BBOF1: variants seen among roughly 807,000 people sequenced by gnomAD.
BBOF1 encodes the protein basal body orientation factor 1, also known as basal body-orientation factor 1.
BBOF1 carries 62 observed loss-of-function variants against 68.0 expected under a neutral mutation model. That is an observed-to-expected ratio of 0.91 (90% CI 0.74 to 1.13). The LOEUF (loss-of-function observed/expected upper bound fraction) is 1.13. BBOF1 is among the 50% of genes most tolerant of loss of function. The pLI, the probability that BBOF1 is intolerant of heterozygous loss-of-function variation, is 0.00. For synonymous variants in BBOF1, 208 were observed against 198.8 expected, an observed-to-expected ratio of 1.05 and a Z score of -0.39; for missense variants, 534 against 600.1, an observed-to-expected ratio of 0.89 and a Z score of 1.15.
At chr14:74,039,506 G>T (rs2059783295) in intron 4 of BBOF1, among the ~76,000 whole-genome samples, 1 of 152,008 alleles carries the variant, frequency 6.6e-6, no homozygotes, top group South Asian at 2.1e-4. Context: ...TCGGCTTACT[G>T]CAACTTCTGC....
chr14:74,073,238 G>C (rs2060574057), intron 9 of BBOF1, among the ~76,000 whole-genome samples: 1 of 151,992 alleles, frequency 6.6e-6, no homozygotes. Flanking sequence ...TGAGCAGCTG[G>C]GACTACAGGC....
intron 11 of BBOF1, among the ~76,000 whole-genome samples, chr14:74,062,592 T>G (rs761420357): frequency 7.2e-5 from 11 of 151,904 alleles, no homozygotes; most frequent in Admixed American, 5.3e-4. Context: ...CAGAGAAAGA[T>G]TCCATCAAAA....
chr14:74,068,052 C>T (rs1461595028), downstream of BBOF1, among the ~76,000 whole-genome samples: 4 of 149,944 alleles, frequency 2.7e-5, no homozygotes, highest in Middle Eastern at 3.5e-3. Flanking sequence ...CAGTAACCAG[C>T]TGAAAGGCAA....
At position 74,023,121 on chromosome 14, in the gene BBOF1, C is replaced by A; in HGVS notation, c.262C>A (p.Gln88Lys). Residue 88 changes from glutamine to lysine, a missense_variant, in exon 2 of 12, where the codon CAG (glutamine) becomes AAG (lysine). Coordinates refer to ENST00000394009, the MANE Select transcript of BBOF1 (RefSeq NM_025057.3). ...IMSVLSYLKK[Q>K]DQEKDNMIEK... ...GTCAGTATTAAGTTACCTGAAGAAG[C>A]AGGATCAGGAGAAAGATAATATGGT... 6.3e-7 allele frequency: 1 copy of A among 1,584,008 alleles called. No individual in the cohort carries two copies.
intron 9 of BBOF1, among the ~76,000 whole-genome samples, chr14:74,076,968 C>T (rs1169354977): frequency 6.6e-6 from 1 of 152,152 alleles, no homozygotes; most frequent in East Asian, 1.9e-4. Context: ...TTTATCTTGC[C>T]TGAAAAGGGA....
chr14:74,042,807 TTCTC>T (rs946857390), intron 5 of BBOF1, among the ~76,000 whole-genome samples: 3 of 150,142 alleles, frequency 2.0e-5, no homozygotes, highest in Admixed American at 1.3e-4. Context: ...GACCCTGTCC[TTCTC>T]TCTCTCTCTT....
At chr14:74,033,943 A>C (rs747552715) in intron 3 of BBOF1, 85 bp from the exon 4 acceptor site, 1 of 925,802 alleles carries the variant, frequency 1.1e-6, no homozygotes, top group Non-Finnish European at 1.5e-6. Flanking sequence ...GAAGATATGC[A>C]AATGGCGTAA....
chr14:74,071,792 G>T, intron 9 of BBOF1: 1 of 1,489,472 alleles, frequency 6.7e-7, no homozygotes, highest in South Asian at 1.1e-5. Context: ...ATCATGGGAT[G>T]GCAAAATCTA....
chr14:74,057,671 T>G (rs2060248493), intron 11 of BBOF1: 1 of 1,302,234 alleles, frequency 7.7e-7, no homozygotes, highest in African/African-American at 1.5e-5. Flanking sequence ...GTTTTTCTCT[T>G]TAAGAGTTTT....
At chr14:74,057,067 T>A in intron 10 of BBOF1, 77 bp from the exon 11 acceptor site, 3 of 1,594,036 alleles carry the variant, frequency 1.9e-6, no homozygotes, top group Non-Finnish European at 2.6e-6. Context: ...GAAAGTAATA[T>A]GACAAGTCTG....
downstream of BBOF1, chr14:74,070,958 C>A (rs1355669946): frequency 3.6e-6 from 2 of 550,296 alleles, no homozygotes; most frequent in South Asian, 2.0e-5. Context: ...CTGTGTCTAG[C>A]CCTAATCCAT....
At chr14:74,060,718 G>A (rs1462444890) in intron 11 of BBOF1, 1 of 1,613,408 alleles carries the variant, frequency 6.2e-7, no homozygotes, top group Admixed American at 1.7e-5. Flanking sequence ...AGAAGTAATG[G>A]TCTTTAACTG....
At chr14:74,040,785 A>T in intron 5 of BBOF1, 140 bp downstream of exon 5, 2 of 562,894 alleles carry the variant, frequency 3.6e-6, no homozygotes, top group South Asian at 5.4e-5. Context: ...GCACAATACA[A>T]TGAGGGAAAA....
chr14:74,057,804 G>GAAAAAATAT, intron 11 of BBOF1: 1 of 1,037,834 alleles, frequency 9.6e-7, no homozygotes, highest in Admixed American at 5.3e-5. Context: ...TATAACTGAT[G>GAAAAAATAT]AGTTTTTTTC....
intron 9 of BBOF1, chr14:74,071,332 A>G (rs765514170): frequency 3.1e-6 from 5 of 1,614,240 alleles, no homozygotes; most frequent in Non-Finnish European, 4.2e-6. Flanking sequence ...CACCATGGCC[A>G]TGGGAAACAT....
At chr14:74,059,057 C>G (rs553834672) in intron 11 of BBOF1, 2 of 171,200 alleles carry the variant, frequency 1.2e-5, no homozygotes, top group East Asian at 3.7e-4. Context: ...GCACTCTAGC[C>G]TGGGCAACAA....
intron 4 of BBOF1, 51 bp from the exon 5 acceptor site, chr14:74,040,514 G>C (rs1269815754): frequency 8.9e-7 from 1 of 1,123,312 alleles, no homozygotes; most frequent in East Asian, 2.6e-5. Flanking sequence ...TGTGCTCAAT[G>C]ACCCCCATTT....
chr14:74,028,476 AC>A (rs2140972437), intron 2 of BBOF1, among the ~76,000 whole-genome samples: 1 of 97,316 alleles, frequency 1.0e-5, no homozygotes. Flanking sequence ...ATACACACAC[AC>A]ACACACACAC....
intron 11 of BBOF1, among the ~76,000 whole-genome samples, chr14:74,061,090 G>A (rs1418459997): frequency 6.6e-6 from 1 of 151,800 alleles, no homozygotes; most frequent in South Asian, 2.1e-4. Context: ...CAGCTCTCCT[G>A]CCTCAGCCTC....
Sources: allele counts gnomAD v4.1 joint callset (sites outside exome capture counted in the v4.1 genomes callset), GRCh38; gene constraint gnomAD v4.1.1; transcripts MANE v1.5; gene names NCBI Gene and HGNC (gene_info 2026-07-23, HGNC 2026-07-21).